Variants in PVT1 observed in about 807,000 individuals in gnomAD.
The protein encoded by PVT1 is Pvt1 oncogene, also known as CXCR4/PVT1 fusion.
chr8:128,078,467 C>T (rs1281042851), intron 5 of PVT1, among the ~76,000 whole-genome samples: 4 of 152,194 alleles, frequency 2.6e-5, no homozygotes, highest in Non-Finnish European at 5.9e-5. Flanking sequence ...AGCTCTGCGA[C>T]TTTGAGTGGG....
intron 2 of PVT1, among the ~76,000 whole-genome samples, chr8:127,868,619 A>G (rs1449416244): frequency 1.3e-5 from 2 of 150,368 alleles, no homozygotes; most frequent in Non-Finnish European, 3.0e-5. Flanking sequence ...CCAACTCCTG[A>G]CCTCAGGTTA....
chr8:127,916,818 A>G (rs1317195985), intron 3 of PVT1, among the ~76,000 whole-genome samples: 1 of 151,914 alleles, frequency 6.6e-6, no homozygotes, highest in Non-Finnish European at 1.5e-5. Flanking sequence ...TCTTGATTTT[A>G]TTGTATTTTT....
At chr8:128,081,084 C>A (rs1814170960) in intron 5 of PVT1, among the ~76,000 whole-genome samples, 1 of 152,128 alleles carries the variant, frequency 6.6e-6, no homozygotes, top group South Asian at 2.1e-4. Context: ...TATTATTTTG[C>A]CAATACCACG....
chr8:128,033,255 G>T (rs1386126896), intron 4 of PVT1, among the ~76,000 whole-genome samples: 1 of 152,210 alleles, frequency 6.6e-6, no homozygotes, highest in Non-Finnish European at 1.5e-5. Flanking sequence ...CTTTATCAAG[G>T]TTGCCTAACA....
chr8:128,021,455 G>T (rs992805897), intron 4 of PVT1, among the ~76,000 whole-genome samples: 1 of 151,836 alleles, frequency 6.6e-6, no homozygotes, highest in Non-Finnish European at 1.5e-5. Context: ...CACCATGCCC[G>T]GTTAATTTTT....
At chr8:127,907,063 C>T (rs1815831684) in intron 3 of PVT1, among the ~76,000 whole-genome samples, 1 of 151,822 alleles carries the variant, frequency 6.6e-6, no homozygotes, top group Admixed American at 6.6e-5. Flanking sequence ...CGGGCTCAAG[C>T]AATTCTCCTG....
chr8:127,973,016 C>A (rs1394134359), intron 3 of PVT1, among the ~76,000 whole-genome samples: 4 of 152,132 alleles, frequency 2.6e-5, no homozygotes, highest in African/African-American at 9.7e-5. Context: ...GCAATCCTCC[C>A]GAGTAGCTAG....
intron 3 of PVT1, among the ~76,000 whole-genome samples, chr8:127,962,984 G>A (rs767363224): frequency 9.9e-5 from 15 of 152,150 alleles, no homozygotes; most frequent in Non-Finnish European, 2.1e-4. Context: ...TCACTGGGGT[G>A]GTCAGGGAAG....
intron 3 of PVT1, among the ~76,000 whole-genome samples, chr8:127,915,980 A>G (rs1322978703): frequency 6.6e-6 from 1 of 152,200 alleles, no homozygotes; most frequent in Non-Finnish European, 1.5e-5. Context: ...CACATCCTTC[A>G]CAGTCAATCC....
At chr8:127,858,239 T>C (rs1162711495) in intron 2 of PVT1, among the ~76,000 whole-genome samples, 1 of 152,036 alleles carries the variant, frequency 6.6e-6, no homozygotes, top group Non-Finnish European at 1.5e-5. Flanking sequence ...ATTTTGTGTC[T>C]CTATTGGAAA....
At chr8:127,795,731 CTGTTA>C (rs1368657373) in intron 1 of PVT1, 1 of 152,470 alleles carries the variant, frequency 6.6e-6, no homozygotes, top group African/African-American at 2.4e-5. Context: ...GCTGTGTTGT[CTGTTA>C]TAAGATGTTT....
chr8:127,899,424 C>T (rs1016542742), intron 3 of PVT1, among the ~76,000 whole-genome samples: 4 of 152,154 alleles, frequency 2.6e-5, no homozygotes, highest in African/African-American at 7.2e-5. Context: ...TCCTAGTTTC[C>T]GGCTGTTGAG....
chr8:127,797,224 G>C (rs761299466), intron 2 of PVT1, among the ~76,000 whole-genome samples: 9 of 152,168 alleles, frequency 5.9e-5, no homozygotes, highest in Non-Finnish European at 1.3e-4. Flanking sequence ...TAGAGACGGA[G>C]TTTCTCCAGA....
At chr8:127,814,434 C>G (rs567417642) in intron 2 of PVT1, among the ~76,000 whole-genome samples, 1 of 152,188 alleles carries the variant, frequency 6.6e-6, no homozygotes, top group Non-Finnish European at 1.5e-5. Context: ...TGAGTTGTGT[C>G]TTAATGAGCA....
At position 127,851,750 on chromosome 8, in the gene PVT1, T is replaced by C. The variant is rs191963335; in HGVS notation, n.373-38839T>C. Reference sequence around the variant, plus strand: ...TGAGCCAGGCGCTGATTCATCATGATGCAGGCTGTGGAGACTCTAGCCATG... The same window carrying C: ...TGAGCCAGGCGCTGATTCATCATGACGCAGGCTGTGGAGACTCTAGCCATG... On this transcript the variant is annotated intron_variant and non_coding_transcript_variant, in intron 2 of 10. Coordinates refer to ENST00000651587, the Ensembl canonical transcript of PVT1. Among the ~76,000 whole-genome samples the C allele has an allele frequency of 5.9e-5, 9 of 152,308 alleles. No individual in the cohort carries two copies. The East Asian group carries it at 1.7e-3, about 29-fold the overall frequency.
At chr8:128,005,287 G>T (rs1817232867) in intron 4 of PVT1, among the ~76,000 whole-genome samples, 1 of 152,208 alleles carries the variant, frequency 6.6e-6, no homozygotes, top group Non-Finnish European at 1.5e-5. Context: ...GCTATCGTTA[G>T]TGTTAGTGTA....
intron 4 of PVT1, among the ~76,000 whole-genome samples, chr8:128,047,455 T>C (rs1182907685): frequency 6.6e-6 from 1 of 152,046 alleles, no homozygotes; most frequent in Non-Finnish European, 1.5e-5. Flanking sequence ...TAAAGAGAAC[T>C]AAAACCCTTT....
intron 2 of PVT1, among the ~76,000 whole-genome samples, chr8:127,884,902 T>C (rs1401650097): frequency 1.3e-5 from 2 of 152,224 alleles, no homozygotes; most frequent in East Asian, 1.9e-4. Flanking sequence ...CAACAGACCA[T>C]GTCATAATTC....
chr8:127,936,699 T>G (rs990569698), intron 3 of PVT1, among the ~76,000 whole-genome samples: 2 of 152,178 alleles, frequency 1.3e-5, no homozygotes, highest in East Asian at 3.9e-4. Context: ...CTGAGCTGCT[T>G]CCTCTCCTGC....
Sources: gnomAD v4.1 joint callset for allele counts (sites outside exome capture counted in the v4.1 genomes callset) on GRCh38, gnomAD v4.1.1 for gene constraint, MANE v1.5 for transcripts, NCBI Gene and HGNC (gene_info 2026-07-23, HGNC 2026-07-21) for gene names.